The following CCR9 variants were observed in gnomAD, a reference collection of about 807,000 sequenced individuals.
CCR9 encodes C-C motif chemokine receptor 9, also known as C-C chemokine receptor type 9.
CCR9 carries 4 observed loss-of-function variants against 8.7 expected under a neutral mutation model. The observed-to-expected ratio is 0.46, with a 90% CI of 0.23 to 1.06. The LOEUF (loss-of-function observed/expected upper bound fraction) is 1.06. CCR9 is among the 50% of genes least tolerant of loss of function. The pLI is 0.21. For missense variants in CCR9, 394 were observed against 453.6 expected (o/e 0.87, Z 1.19); for synonymous variants, 159 against 168.8 (o/e 0.94, Z 0.45).
Position 45,900,674 on chromosome 3 carries a change from C to T in CCR9, c.22-136C>T, listed in dbSNP as rs2125760599. The T allele has an allele frequency of 2.5e-6, 2 of 791,274 alleles. No homozygotes were observed. Among genetic ancestry groups the T allele is most frequent in the East Asian group, 4.9e-5 (2 of 40,590 alleles). 49.0% of individuals were successfully genotyped at this position (791,274 alleles called of 1,614,324 possible). A position where few individuals can be genotyped will look rare whatever the true frequency, so the allele number is the denominator to read the frequency against. On this transcript the variant is annotated intron_variant, in intron 2 of 2. Coordinates refer to ENST00000357632, the MANE Select transcript of CCR9 (RefSeq NM_031200.3). The surrounding 1 kb of genome is among the most constrained non-coding windows in gnomAD (Gnocchi z 4.7). ...ATATGTCACAACCCAAGCAGATGTC[C>T]TCAGAATGCCTATGTGTCTTTGGCC...
rs563323731 is a variant in CCR9 at position 45,888,410 on chromosome 3, C to A, written c.-29+1755C>A. On this transcript the variant is annotated intron_variant, in intron 1 of 2. Transcript: ENST00000357632. ...CCTACCACAACTCATAGCACTTTCC[C>A]TTTGTTGTTATTTGCAGCCATGACT... Among the ~76,000 whole-genome samples the A allele has an allele frequency of 4.6e-5, 7 of 152,352 alleles. No homozygotes were observed. In the South Asian group the frequency reaches 1.4e-3, roughly 32 times the overall value.
Position 45,902,320 on chromosome 3 carries a change from A to G in CCR9, c.*422A>G, listed in dbSNP as rs1702585508. On this transcript the variant is annotated 3_prime_UTR_variant, in exon 3 of 3. Transcript: ENST00000357632. ...CTGCTGCTACAGACCGCAAAAGCAG[A>G]AAGTTTCGTGAAAATGTCCATCTTT... 5.7e-6 allele frequency: 1 copy of G among 174,922 alleles called. No homozygotes were observed. Among genetic ancestry groups the G allele is most frequent in the Non-Finnish European group, 1.4e-5 (1 of 73,714 alleles). The allele number at this position is 174,922 out of a possible 1,614,324, so 10.8% of individuals were successfully genotyped here.
chr3:45,900,658 A>T lies in CCR9; in HGVS notation c.22-152A>T, dbSNP rs1702521150. ...TCTGTTGAATAAATAAATATGTCAC[A>T]ACCCAAGCAGATGTCCTCAGAATGC... On this transcript the variant is annotated intron_variant, in intron 2 of 2. Coordinates refer to ENST00000357632, the MANE Select transcript of CCR9 (RefSeq NM_031200.3). The surrounding 1 kb of genome is among the most constrained non-coding windows in gnomAD (Gnocchi z 4.7). 1 of 707,876 alleles carries T rather than the reference A, an allele frequency of 1.4e-6. No homozygotes were observed. The highest frequency in any genetic ancestry group is 2.5e-5 in the East Asian group (1 of 39,664). 43.8% of individuals were successfully genotyped at this position (707,876 alleles called of 1,614,324 possible).
rs372425920 is a variant in CCR9 at position 45,898,286 on chromosome 3, T to C, written c.22-2524T>C. Among the ~76,000 whole-genome samples the C allele has an allele frequency of 4.6e-5, 7 of 152,326 alleles. No individual in the cohort carries two copies. The East Asian group carries it at 5.8e-4, about 13-fold the overall frequency. ...GTCTTAGTGGGGCCATGATTGCAGC[T>C]GGTTCCCGTGTCCAGCGTTGGGAGG... is the stretch of plus-strand genomic sequence containing the variant. On this transcript the variant is annotated intron_variant, in intron 2 of 2. Transcript: ENST00000357632.
chr3:45,891,962 C>T (rs772657912), intron 1 of CCR9, among the ~76,000 whole-genome samples: 4 of 152,168 alleles, frequency 2.6e-5, no homozygotes, highest in African/African-American at 4.8e-5. Flanking sequence ...CACTGGTTTG[C>T]TTCCATGTTG....
chr3:45,897,586 A>G (rs533175125), intron 2 of CCR9: 186 of 1,535,400 alleles, frequency 1.2e-4, no homozygotes, highest in Non-Finnish European at 1.6e-4. Context: ...GCTCCAGATC[A>G]CCTTCCCTCG....
rs774569331 is a variant in CCR9, at chr3:45,901,563, G to A, written c.775G>A (p.Val259Ile). The A allele has an allele frequency of 6.8e-6, 11 of 1,614,082 alleles. No individual in the cohort carries two copies. The highest frequency in any genetic ancestry group is 9.3e-6 in the Non-Finnish European group (11 of 1,180,046). The stretch of plus-strand genomic sequence containing the variant: ...CAAAGCCCTAAAAGTGACCATCACT[G>A]TCCTGACCGTCTTTGTCTTGTCTCA... The part of the protein sequence containing the change: ...KHKALKVTIT[V>I]LTVFVLSQFP... Residue 259 changes from valine (V) to isoleucine (I), a missense_variant, in exon 3 of 3, where the codon GTC becomes ATC. Coordinates refer to ENST00000357632, the MANE Select transcript of CCR9 (RefSeq NM_031200.3). The surrounding 1 kb of genome is among the most constrained non-coding windows in gnomAD (Gnocchi z 4.3).
At chr3:45,886,744 G>A (rs897075834) in intron 1 of CCR9, 89 bp downstream of exon 1, 4 of 152,246 alleles carry the variant, frequency 2.6e-5, no homozygotes, top group African/African-American at 9.7e-5. Context: ...TAAAACCTGG[G>A]CTTGCACTCA....
chr3:45,895,760 CT>C (rs1257729443), intron 2 of CCR9, among the ~76,000 whole-genome samples: 4 of 151,468 alleles, frequency 2.6e-5, no homozygotes, highest in East Asian at 1.9e-4. Context: ...TCCAGAGAAT[CT>C]TTTTTTCTTT....
At chr3:45,894,766 A>G (rs952565715) in intron 1 of CCR9, 140 bp from the exon 2 acceptor site, 9 of 668,238 alleles carry the variant, frequency 1.3e-5, no homozygotes, top group Non-Finnish European at 2.7e-6. Flanking sequence ...CTAGAATACT[A>G]TATAGACTCT....
rs201410158 is a variant in CCR9, at chr3:45,901,765, G to A, written c.977G>A (p.Arg326Gln). 8.7e-6 allele frequency: 14 copies of A among 1,614,126 alleles called. No individual in the cohort carries two copies. The highest frequency in any genetic ancestry group is 8.5e-6 in the Non-Finnish European group (10 of 1,180,028). ...GTTTTTGTGGGTGAGAGATTCCGCC[G>A]GGATCTCGTGAAAACCCTGAAGAAC... ...LYVFVGERFRRDLVKTLKNLG... is the reference protein window; with the variant it reads ...LYVFVGERFRQDLVKTLKNLG... The change falls in exon 3 of 3, where the codon CGG becomes CAG. Residue 326 changes from arginine to glutamine, a missense_variant. By Grantham distance (43) the Arg-to-Gln change is conservative. Transcript: ENST00000357632. The surrounding 1 kb of genome is among the most constrained non-coding windows in gnomAD (Gnocchi z 4.3).
intron 1 of CCR9, among the ~76,000 whole-genome samples, chr3:45,892,546 C>T (rs1702219043): frequency 6.6e-6 from 1 of 152,136 alleles, no homozygotes; most frequent in South Asian, 2.1e-4. Context: ...ATAACAGACA[C>T]TGGGACCCCC....
Position 45,902,035 on chromosome 3 carries a change from G to A in CCR9, c.*137G>A, listed in dbSNP as rs1702576955. ...ATGAATCTGAACTATATGATTACTT[G>A]TAGTCAGAATTTGCCAAAGCAAATA... is the stretch of plus-strand genomic sequence containing the variant. On this transcript the variant is annotated 3_prime_UTR_variant, in exon 3 of 3. Coordinates refer to ENST00000357632, the MANE Select transcript of CCR9 (RefSeq NM_031200.3). The A allele has an allele frequency of 2.6e-6, 2 of 764,062 alleles. No individual in the cohort carries two copies. The highest frequency in any genetic ancestry group is 4.1e-6 in the Non-Finnish European group (2 of 484,872). The allele number at this position is 764,062 out of a possible 1,614,324, so 47.3% of individuals were successfully genotyped here.
intron 2 of CCR9, among the ~76,000 whole-genome samples, chr3:45,899,486 TA>T (rs1309505353): frequency 6.6e-6 from 1 of 152,208 alleles, no homozygotes; most frequent in Non-Finnish European, 1.5e-5. Context: ...CAAAACAAAA[TA>T]AAAACTTATT....
At chr3:45,890,543 G>T (rs905507663) in intron 1 of CCR9, among the ~76,000 whole-genome samples, 5 of 150,596 alleles carry the variant, frequency 3.3e-5, no homozygotes, top group African/African-American at 1.2e-4. Flanking sequence ...TCTGCTTGCT[G>T]GGTGAGTTTC....
rs976289866 is a variant in CCR9, at chr3:45,890,537, C to G, written c.-29+3882C>G. Among the ~76,000 whole-genome samples, 3 of 150,288 alleles carry G rather than the reference C, an allele frequency of 2.0e-5. No homozygotes were observed. The Admixed American group carries it at 2.0e-4, about 10-fold the overall frequency. ...CAGCTCCAAAGTGGCTGCTTTTCTG[C>G]TTGCTGGGTGAGTTTCTTATTTCAA... On this transcript the variant is annotated intron_variant, in intron 1 of 2. Transcript: ENST00000357632.
At chr3:45,898,464 T>C (rs1015271939) in intron 2 of CCR9, among the ~76,000 whole-genome samples, 1 of 152,328 alleles carries the variant, frequency 6.6e-6, no homozygotes, top group Non-Finnish European at 1.5e-5. Context: ...ACATATAAAA[T>C]AGGGAGACGA....
intron 1 of CCR9, among the ~76,000 whole-genome samples, chr3:45,889,695 T>G (rs1280913506): frequency 6.6e-6 from 1 of 152,054 alleles, no homozygotes; most frequent in Non-Finnish European, 1.5e-5. Flanking sequence ...TATTTTTTTT[T>G]TTTTAAAGAT....
intron 2 of CCR9, among the ~76,000 whole-genome samples, chr3:45,896,460 T>G (rs1386056170): frequency 6.6e-6 from 1 of 152,230 alleles, no homozygotes; most frequent in African/African-American, 2.4e-5. Flanking sequence ...TCTGAGGATG[T>G]GCTGGGCCAG....
Sources: allele counts gnomAD v4.1 joint callset (sites outside exome capture counted in the v4.1 genomes callset), GRCh38; gene constraint gnomAD v4.1.1; non-coding constraint Gnocchi (gnomAD v3.1); transcripts MANE v1.5; gene names NCBI Gene and HGNC (gene_info 2026-07-23, HGNC 2026-07-21).